The following KLHL38 variants were observed in gnomAD, a reference collection of about 807,000 sequenced individuals.
The protein encoded by KLHL38 is kelch like family member 38, also known as kelch-like protein 38.
In KLHL38, 38 loss-of-function variants were observed where a neutral mutation model predicts 39.6. That is an observed-to-expected ratio of 0.96 (90% CI 0.74 to 1.26). The LOEUF is 1.26. Among genes scored for constraint, KLHL38 ranks in the 50% most tolerant of loss-of-function variants. The pLI is 0.00. For missense variants in KLHL38, 803 were observed against 748.1 expected (o/e 1.07, Z -0.86); for synonymous variants, 322 against 302.2 (o/e 1.07, Z -0.68).
intron 2 of KLHL38, among the ~76,000 whole-genome samples, chr8:123,648,198 C>T (rs1467672694): frequency 6.6e-6 from 1 of 152,230 alleles, no homozygotes; most frequent in African/African-American, 2.4e-5. Flanking sequence ...TTCCATCTTT[C>T]AGTTTAGAAC....
chr8:123,653,563 A>T (rs571655211), intron 1 of KLHL38, among the ~76,000 whole-genome samples, 23 bp downstream of exon 1: 144 of 152,354 alleles, frequency 9.5e-4, no homozygotes, highest in African/African-American at 3.3e-3. Flanking sequence ...CTTGCAGAAG[A>T]AATAAGTATG....
At chr8:123,647,072 G>T (rs1818676464) in intron 2 of KLHL38, 58 bp from the exon 3 acceptor site, 1 of 993,136 alleles carries the variant, frequency 1.0e-6, no homozygotes, top group African/African-American at 1.6e-5. Flanking sequence ...CTTGAAAAAA[G>T]ACAGAAGTAG....
rs1394857225 is a variant in KLHL38 at position 123,645,338 on chromosome 8, G to C, written c.*401C>G. The stretch of plus-strand genomic sequence containing the variant: ...TATAATCCCAGCTACTCAGGAGGCT[G>C]AGGCGTGAGAATCGCTTGAACCTGG... On this transcript the variant is annotated 3_prime_UTR_variant, in exon 4 of 4. Coordinates refer to ENST00000684634, the MANE Select transcript of KLHL38 (RefSeq NM_001081675.3). Among the ~76,000 whole-genome samples, 1 of 152,108 alleles carries C rather than the reference G, an allele frequency of 6.6e-6. No individual in the cohort carries two copies. The highest frequency in any genetic ancestry group is 2.4e-5 in the African/African-American group (1 of 41,412).
chr8:123,649,787 A>G (rs1190862185), intron 2 of KLHL38, among the ~76,000 whole-genome samples: 1 of 151,988 alleles, frequency 6.6e-6, no homozygotes, highest in Non-Finnish European at 1.5e-5. Flanking sequence ...GCTGATGGAG[A>G]TTGCATGAGG....
rs969529128 is a variant in KLHL38, at chr8:123,652,474, G to C, written c.453C>G (p.Leu151=). ...GTGCCACCTCCCTGGCTTTCTTCTT[G>C]AGGGTCTCGCAGCTTAAGATTTCTG... is the stretch of plus-strand genomic sequence containing the variant. The part of the protein sequence containing the change: ...RLSEILSCET[L]KKKAREVALT... The change falls in exon 2 of 4, where the codon CTC becomes CTG. Residue 151 remains leucine (L), a synonymous_variant. Coordinates refer to ENST00000684634, the MANE Select transcript of KLHL38 (RefSeq NM_001081675.3). 6.2e-6 allele frequency: 10 copies of C among 1,614,074 alleles called. No homozygotes were observed. The African/African-American group carries it at 6.7e-5, about 11-fold the overall frequency.
In KLHL38 at chr8:123,645,521, C is replaced by G. The variant is rs924423645; in HGVS notation, c.*218G>C. ...GAGAGAAAGAAAGAAGGGGGAAAGA[C>G]AGAGACAGATGGAGGTGGGGGAGAG... On this transcript the variant is annotated 3_prime_UTR_variant, in exon 4 of 4. Coordinates refer to ENST00000684634, the MANE Select transcript of KLHL38 (RefSeq NM_001081675.3). The G allele has an allele frequency of 1.8e-6, 1 of 564,580 alleles. No homozygotes were observed. The highest frequency in any genetic ancestry group is 3.1e-6 in the Non-Finnish European group (1 of 320,720). 35.0% of individuals were successfully genotyped at this position (564,580 alleles called of 1,614,324 possible). A position where few individuals can be genotyped will look rare whatever the true frequency, so the allele number is the denominator to read the frequency against.
chr8:123,653,264 C>A (rs760280389), intron 1 of KLHL38, among the ~76,000 whole-genome samples: 31 of 150,376 alleles, frequency 2.1e-4, no homozygotes, highest in Non-Finnish European at 3.8e-4. Context: ...AGCAAGATAA[C>A]AGTCCATGGA....
chr8:123,652,646 G>A lies in KLHL38; in HGVS notation c.281C>T (p.Thr94Met), dbSNP rs375036404. Residue 94 changes from threonine (T) to methionine (M), a missense_variant, in exon 2 of 4, where the codon ACG becomes ATG. By Grantham distance (81) the Thr-to-Met change is moderately conservative. Coordinates refer to ENST00000684634, the MANE Select transcript of KLHL38 (RefSeq NM_001081675.3). ...TLDQIVSYVY[T>M]GEAHIATDNV... is the part of the protein sequence containing the mutation. ...GTCAGTGGCAATATGTGCCTCCCCC[G>A]TATACACGTAGGAGACGATCTGGTC... 6.8e-6 allele frequency: 11 copies of A among 1,614,208 alleles called. No individual in the cohort carries two copies. The highest frequency in any genetic ancestry group is 4.5e-5 in the East Asian group (2 of 44,880).
At chr8:123,647,743 A>G (rs1818686704) in intron 2 of KLHL38, among the ~76,000 whole-genome samples, 1 of 152,260 alleles carries the variant, frequency 6.6e-6, no homozygotes, top group South Asian at 2.1e-4. Context: ...CTACAGAGGA[A>G]AATGGCATAG....
intron 2 of KLHL38, among the ~76,000 whole-genome samples, chr8:123,650,481 A>G (rs1046670327): frequency 2.0e-5 from 3 of 152,128 alleles, no homozygotes; most frequent in African/African-American, 7.2e-5. Flanking sequence ...CTGAATTGCA[A>G]CTGAGGGTTA....
chr8:123,652,844 C>T lies in KLHL38; in HGVS notation c.83G>A (p.Arg28Lys), dbSNP rs1812680541. The change falls in exon 2 of 4, where the codon AGG (arginine) becomes AAG (lysine). Residue 28 changes from arginine to lysine, a missense_variant. Transcript: ENST00000684634. ...CACATCAGTCAGGATCCTGCTTTGCCTTAAGCTGTTGAGCTGCCTCAACAA... is the reference window on the plus strand; with the variant it reads ...CACATCAGTCAGGATCCTGCTTTGCTTTAAGCTGTTGAGCTGCCTCAACAA... Reference protein sequence around the residue: ...SDLLRQLNSLRQSRILTDVSI... With the variant: ...SDLLRQLNSLKQSRILTDVSI... The T allele has an allele frequency of 1.2e-6, 2 of 1,610,702 alleles. No individual in the cohort carries two copies. Among genetic ancestry groups the T allele is most frequent in the Non-Finnish European group, 1.7e-6 (2 of 1,180,014 alleles).
In KLHL38 at chr8:123,651,670, C is replaced by T. The variant is rs369549144; in HGVS notation, c.1257G>A (p.Val419=). The T allele has an allele frequency of 1.5e-4, 246 of 1,614,010 alleles. No individual in the cohort carries two copies. Among genetic ancestry groups the T allele is most frequent in the Admixed American group, 4.3e-4 (26 of 60,010 alleles). The change falls in exon 2 of 4, where the codon GTG becomes GTA. Residue 419 remains valine, a synonymous_variant. Transcript: ENST00000684634. The part of the protein sequence containing the change: ...NVWESMASMP[V]GVLHPAVAVK... ...CAGCGACTGCGGGGTGGAGCACCCC[C>T]ACGGGCATGCTGGCCATACTCTCCC...
Position 123,645,769 on chromosome 8 carries a change from C to T in KLHL38, c.1716G>A (p.Gln572=), listed in dbSNP as rs1818651186. ...KLFDHACLTL[Q]CIPRTSGLP ...GGAGGCCAGACGTGCGGGGTATGCA[C>T]TGGAGAGTGAGGCAGGCATGGTCAA... The change falls in exon 4 of 4, where the codon CAG becomes CAA. Residue 572 remains glutamine (Q), a synonymous_variant. Coordinates refer to ENST00000684634, the MANE Select transcript of KLHL38 (RefSeq NM_001081675.3). The T allele has an allele frequency of 1.9e-6, 3 of 1,613,772 alleles. No homozygotes were observed. The highest frequency in any genetic ancestry group is 2.7e-5 in the African/African-American group (2 of 74,912).
chr8:123,651,330 A>G (rs1449265540), intron 2 of KLHL38, among the ~76,000 whole-genome samples: 3 of 152,172 alleles, frequency 2.0e-5, no homozygotes, highest in East Asian at 1.9e-4. Flanking sequence ...ACACGTATGC[A>G]TGTTGGCATC....
rs759955086 is a variant in KLHL38 at position 123,652,423 on chromosome 8, T to C, written c.504A>G (p.Ala168=). The change falls in exon 2 of 4, where the codon GCA becomes GCG. Residue 168 remains alanine, a synonymous_variant. Transcript: ENST00000684634. The part of the protein sequence containing the change: ...VALTSFPEVA[A]SADLKELCAL... ...CACAGAGCTCCTTCAGGTCGGCCGA[T>C]GCGGCCACCTCTGGGAAGGACGTCA... 82 of 1,614,028 alleles carry C rather than the reference T, an allele frequency of 5.1e-5. No homozygotes were observed. The highest frequency in any genetic ancestry group is 6.7e-5 in the Non-Finnish European group (79 of 1,180,040).
Position 123,652,347 on chromosome 8 carries a change from C to A in KLHL38, c.580G>T (p.Glu194Ter). Residue 194 changes from glutamate (E) to a stop codon, truncating the protein, a stop_gained, in exon 2 of 4, where the codon GAA becomes TAA. Coordinates refer to ENST00000684634, the MANE Select transcript of KLHL38 (RefSeq NM_001081675.3). LOFTEE classifies it high-confidence loss of function. ...ACCATGAGGGCCTCAAACACCTTTT[C>A]CTCCTCCCCACAGAGCCCATCATCT... is the stretch of plus-strand genomic sequence containing the variant. ...LGDDGLCGEE[E>*]KVFEALMVWI... 8.1e-6 allele frequency: 13 copies of A among 1,613,930 alleles called. No individual in the cohort carries two copies. The highest frequency in any genetic ancestry group is 1.1e-5 in the Non-Finnish European group (13 of 1,180,042).
chr8:123,652,141 C>A lies in KLHL38; in HGVS notation c.786G>T (p.Leu262Phe), dbSNP rs1271128119. 1.2e-6 allele frequency: 2 copies of A among 1,614,136 alleles called. No individual in the cohort carries two copies. Among genetic ancestry groups the A allele is most frequent in the East Asian group, 2.2e-5 (1 of 44,878 alleles). The change falls in exon 2 of 4, where the codon TTG becomes TTT. Residue 262 changes from leucine (L) to phenylalanine (F), a missense_variant. Physicochemically the swap from Leu to Phe is conservative, Grantham distance 22. Coordinates refer to ENST00000684634, the MANE Select transcript of KLHL38 (RefSeq NM_001081675.3). ...TGCAGTCTGGGACGGTGGTGCCACA[C>A]AAAGAGAACATCTGTCTCTTGGCGG... ...LETAKRQMFSLCGTTVPDCKL... is the reference protein window; with the variant it reads ...LETAKRQMFSFCGTTVPDCKL...
At position 123,652,034 on chromosome 8, in the gene KLHL38, G is replaced by A. The variant is rs766585743; in HGVS notation, c.893C>T (p.Thr298Ile). The part of the protein sequence containing the change: ...LLGGRKDSQQ[T>I]TRDVLLYSKQ... ...GCTGTACAGTAGGACGTCCCTGGTG[G>A]TCTGCTGGCTGTCCTTCCTTCCGCC... Residue 298 changes from threonine to isoleucine, a missense_variant, in exon 2 of 4, where the codon ACC becomes ATC. Physicochemically the swap from Thr to Ile is moderately conservative, Grantham distance 89. Transcript: ENST00000684634. 2.9e-5 allele frequency: 47 copies of A among 1,614,218 alleles called. No homozygotes were observed. The highest frequency in any genetic ancestry group is 3.9e-5 in the Non-Finnish European group (46 of 1,180,030).
rs1287209578 is a variant in KLHL38 at position 123,652,556 on chromosome 8, G to A, written c.371C>T (p.Ser124Phe). 6.2e-7 allele frequency: 1 copy of A among 1,614,208 alleles called. No individual in the cohort carries two copies. Among genetic ancestry groups the A allele is most frequent in the Non-Finnish European group, 8.5e-7 (1 of 1,180,038 alleles). ...GGCCAACTGGCTCTGCAAGTACGAGGAGCAGGCCTCAAACAGCTTGGGGAA... is the reference window on the plus strand; with the variant it reads ...GGCCAACTGGCTCTGCAAGTACGAGAAGCAGGCCTCAAACAGCTTGGGGAA... ...LQFPKLFEACSSYLQSQLAPS... is the reference protein window; with the variant it reads ...LQFPKLFEACFSYLQSQLAPS... Residue 124 changes from serine to phenylalanine, a missense_variant, in exon 2 of 4, where the codon TCC becomes TTC. By Grantham distance (155) the Ser-to-Phe change is radical. Transcript: ENST00000684634.
Sources: gnomAD v4.1 joint callset for allele counts (sites outside exome capture counted in the v4.1 genomes callset) on GRCh38, gnomAD v4.1.1 for gene constraint, MANE v1.5 for transcripts, NCBI Gene and HGNC (gene_info 2026-07-23, HGNC 2026-07-21) for gene names.